The following PPP2R1B variants were observed in gnomAD, a reference collection of about 807,000 sequenced individuals.
PPP2R1B encodes serine/threonine-protein phosphatase 2A 65 kDa regulatory subunit A beta isoform.
PPP2R1B carries 58 observed loss-of-function variants against 72.7 expected under a neutral mutation model. The ratio of observed to expected loss-of-function variants is 0.80; its 90% CI spans 0.65 to 0.99. PPP2R1B has a LOEUF of 0.99. PPP2R1B is among the 50% of genes least tolerant of loss of function. The probability of loss-of-function intolerance (pLI) is 0.00; values close to 1 mark genes in which losing one functional copy is unlikely to be tolerated. For missense variants in PPP2R1B, 695 were observed against 733.6 expected (o/e 0.95, Z 0.61); for synonymous variants, 256 against 264.6 (o/e 0.97, Z 0.32).
the PPP2R1B span, chr11:111,720,382 G>T: frequency 8.1e-7 from 1 of 1,235,610 alleles, no homozygotes; most frequent in South Asian, 1.5e-5. Context: ...TTAAGGACAT[G>T]GTAGCTGTCA....
At chr11:111,699,422 A>G in the PPP2R1B span, among the ~76,000 whole-genome samples, 2 of 152,194 alleles carry the variant, frequency 1.3e-5, no homozygotes, top group African/African-American at 2.4e-5. Flanking sequence ...CACGTCTAGT[A>G]TGCTCTGGCA....
chr11:111,704,968 C>A, the PPP2R1B span: 1 of 1,590,208 alleles, frequency 6.3e-7, no homozygotes, highest in South Asian at 1.2e-5. Flanking sequence ...TTGCCTTTAC[C>A]ACTTGTTTTT....
the PPP2R1B span, among the ~76,000 whole-genome samples, chr11:111,694,471 T>C: frequency 6.6e-6 from 1 of 152,316 alleles, no homozygotes; most frequent in South Asian, 2.1e-4. Flanking sequence ...GGCCCATCAT[T>C]GCTTCTAGCA....
the PPP2R1B span, chr11:111,719,847 A>G: frequency 2.5e-6 from 4 of 1,614,174 alleles, no homozygotes; most frequent in Admixed American, 1.7e-5. Context: ...GCCCAGCAAC[A>G]TGATGGAGAC....
At chr11:111,705,199 A>G in the PPP2R1B span, 2 of 1,447,658 alleles carry the variant, frequency 1.4e-6, no homozygotes, top group Non-Finnish European at 1.8e-6. The surrounding 1 kb of genome is among the most constrained non-coding windows in gnomAD (Gnocchi z 4.3). Flanking sequence ...TGTTTGATAC[A>G]TTTTTCATCT....
At chr11:111,743,585 A>C in intron 11 of PPP2R1B, 55 bp from the exon 12 acceptor site, 1 of 1,555,072 alleles carries the variant, frequency 6.4e-7, no homozygotes, top group Non-Finnish European at 8.7e-7. Flanking sequence ...TTTAAGCATA[A>C]CCTAGTTTAC....
the PPP2R1B span, among the ~76,000 whole-genome samples, chr11:111,702,446 G>A: frequency 3.9e-5 from 6 of 152,226 alleles, no homozygotes; most frequent in East Asian, 1.9e-4. Context: ...TCAATTAGCC[G>A]GGTGTGGTGG....
chr11:111,737,103 G>C (rs1246272690), downstream of PPP2R1B, among the ~76,000 whole-genome samples: 1 of 152,232 alleles, frequency 6.6e-6, no homozygotes, highest in Non-Finnish European at 1.5e-5. Context: ...TGTGAGGAAA[G>C]TGGGAACAGC....
intron 8 of PPP2R1B, 109 bp downstream of exon 8, chr11:111,754,390 G>A (rs1945023000): frequency 7.1e-7 from 1 of 1,408,610 alleles, no homozygotes; most frequent in Non-Finnish European, 9.5e-7. Flanking sequence ...TTCATTCCCT[G>A]TCAACCTTTA....
chr11:111,715,547 G>T, the PPP2R1B span, among the ~76,000 whole-genome samples: 1 of 152,088 alleles, frequency 6.6e-6, no homozygotes, highest in Non-Finnish European at 1.5e-5. Flanking sequence ...AATCCCTTGG[G>T]GAGTCTGAAT....
rs533654487 is a variant in PPP2R1B at position 111,762,551 on chromosome 11, T to C, written c.307-1500A>G. ...GCCTCAACACTTCACACTCCAGCAG[T>C]TCTTTTTTTTTTTTTTTTTTAAGAG... On this transcript the variant is annotated intron_variant, in intron 3 of 14. Coordinates refer to ENST00000527614, the MANE Select transcript of PPP2R1B (RefSeq NM_002716.5). Among the ~76,000 whole-genome samples, 5 of 101,862 alleles carry C rather than the reference T, an allele frequency of 4.9e-5. No homozygotes were observed. The East Asian group carries it at 8.7e-4, about 18-fold the overall frequency. The allele number at this position is 101,862 out of a possible 152,430, so 66.8% of individuals were successfully genotyped here. A position where few individuals can be genotyped will look rare whatever the true frequency, so the allele number is the denominator to read the frequency against.
the PPP2R1B span, among the ~76,000 whole-genome samples, chr11:111,690,378 A>G: frequency 3.3e-3 from 504 of 151,532 alleles, 10 homozygotes; most frequent in East Asian, 7.7e-4. Flanking sequence ...TACCAAAACA[A>G]TAGCACAAAG....
the PPP2R1B span, chr11:111,688,290 AT>A: frequency 1.2e-6 from 1 of 851,596 alleles, no homozygotes; most frequent in Non-Finnish European, 1.8e-6. The surrounding 1 kb of genome is among the most constrained non-coding windows in gnomAD (Gnocchi z 4.2). Flanking sequence ...CTCAAAGTCC[AT>A]TTTATTCATT....
At chr11:111,703,132 CAT>C in the PPP2R1B span, 56 of 1,404,106 alleles carry the variant, frequency 4.0e-5, no homozygotes, top group Middle Eastern at 7.5e-4. Flanking sequence ...TACAAAGTCA[CAT>C]GAGTCAAGCA....
the PPP2R1B span, among the ~76,000 whole-genome samples, chr11:111,712,964 A>T: frequency 6.6e-6 from 1 of 152,318 alleles, no homozygotes; most frequent in South Asian, 2.1e-4. Context: ...CAGGAGTTCC[A>T]GACCACCTTG....
rs764642149 is a variant in PPP2R1B at position 111,739,323 on chromosome 11, C to T, written c.*2273G>A. On this transcript the variant is annotated 3_prime_UTR_variant, in exon 15 of 15. Transcript: ENST00000527614. ...TTCCAGTGAAATCAAGATAGGAGAA[C>T]TTTTCCCTTAAGTTTAAGGTAGTTA... 1.0e-6 allele frequency: 1 copy of T among 974,974 alleles called. No homozygotes were observed. Among genetic ancestry groups the T allele is most frequent in the Non-Finnish European group, 1.2e-6 (1 of 825,420 alleles). 60.4% of individuals were successfully genotyped at this position (974,974 alleles called of 1,614,324 possible).
At chr11:111,693,704 G>A in the PPP2R1B span, among the ~76,000 whole-genome samples, 1 of 152,190 alleles carries the variant, frequency 6.6e-6, no homozygotes, top group Non-Finnish European at 1.5e-5. Flanking sequence ...CAGTGCTGGT[G>A]CAAATTCTGT....
chr11:111,722,754 T>C (rs921573363), downstream of PPP2R1B: 16 of 1,613,692 alleles, frequency 9.9e-6, no homozygotes, highest in African/African-American at 1.3e-5. This position sits in a 1 kb window ranked among gnomAD's most constrained non-coding sequence, Gnocchi z 4.4. Flanking sequence ...TGCAGGAACA[T>C]AGGTGAGAAG....
intron 5 of PPP2R1B, among the ~76,000 whole-genome samples, chr11:111,758,574 G>C (rs1945211645): frequency 6.6e-6 from 1 of 152,106 alleles, no homozygotes; most frequent in Admixed American, 6.6e-5. Flanking sequence ...TGGTGACAGA[G>C]TGAGACTCCT....
Sources: allele counts gnomAD v4.1 joint callset (sites outside exome capture counted in the v4.1 genomes callset), GRCh38; gene constraint gnomAD v4.1.1; non-coding constraint Gnocchi (gnomAD v3.1); transcripts MANE v1.5; gene names NCBI Gene and HGNC (gene_info 2026-07-23, HGNC 2026-07-21).